The following ABCA12 variants were observed in gnomAD, a reference collection of about 807,000 sequenced individuals.
The protein encoded by ABCA12 is glucosylceramide transporter ABCA12.
Under a neutral mutation model 293.5 loss-of-function variants are expected in ABCA12, and 156 were observed. That is an observed-to-expected ratio of 0.53 (90% CI 0.47 to 0.61). The LOEUF is 0.61. Ranked by LOEUF, ABCA12 falls within the 20% of genes least tolerant of loss-of-function variation. The pLI, the probability that ABCA12 is intolerant of heterozygous loss-of-function variation, is 0.00. For synonymous variants in ABCA12, 1,063 were observed against 1,108.0 expected, an observed-to-expected ratio of 0.96 and a Z score of 0.81; for missense variants, 2,797 against 3,090.2, an observed-to-expected ratio of 0.91 and a Z score of 2.25.
chr2:214,978,729 A>T, intron 32 of ABCA12, 75 bp downstream of exon 32: 1 of 1,506,916 alleles, frequency 6.6e-7, no homozygotes, highest in Non-Finnish European at 9.2e-7. Flanking sequence ...TTTTTTAGAA[A>T]AATGGCACAT....
chr2:215,083,623 T>C (rs1485028973), intron 2 of ABCA12, among the ~76,000 whole-genome samples: 1 of 152,218 alleles, frequency 6.6e-6, no homozygotes, highest in Non-Finnish European at 1.5e-5. Flanking sequence ...TTTCATTGTT[T>C]ATCTAGAGTA....
At chr2:214,986,796 T>C in intron 27 of ABCA12, 68 bp from the exon 28 acceptor site, 1 of 1,407,730 alleles carries the variant, frequency 7.1e-7, no homozygotes, top group East Asian at 2.3e-5. Flanking sequence ...TTAGACTTTA[T>C]CTTTATTAAA....
At chr2:214,984,936 T>C (rs1043106264) in intron 28 of ABCA12, among the ~76,000 whole-genome samples, 2 of 152,202 alleles carry the variant, frequency 1.3e-5, no homozygotes, top group Admixed American at 6.5e-5. Context: ...ATCTTTCAGA[T>C]AGTTAGTAAA....
intron 2 of ABCA12, among the ~76,000 whole-genome samples, chr2:215,086,919 T>TTTATTATTATTATTA (rs139025147): frequency 1.0e-3 from 158 of 151,090 alleles, no homozygotes; most frequent in African/African-American, 3.8e-3. Flanking sequence ...TAACTACCAG[T>TTTATTATTATTATTA]TTATTATTAT....
At position 215,017,959 on chromosome 2, in the gene ABCA12, AT is replaced by A. The variant is rs113589064; in HGVS notation, c.1782+48del. On this transcript the variant is annotated intron_variant, in intron 14 of 52. Coordinates refer to ENST00000272895, the MANE Select transcript of ABCA12 (RefSeq NM_173076.3). ...AAGCGCTCAACAAATGCTAAATGCTATTTAAATTTCTAAGAACTGCATGTAA... is the reference window on the plus strand; with the variant it reads ...AAGCGCTCAACAAATGCTAAATGCTATTAAATTTCTAAGAACTGCATGTAA... 425 of 1,612,900 alleles carry A rather than the reference AT, an allele frequency of 2.6e-4. No individual in the cohort carries two copies. In the African/African-American group the frequency reaches 4.8e-3, roughly 18 times the overall value.
chr2:215,035,036 G>A (rs1021682057), intron 8 of ABCA12, among the ~76,000 whole-genome samples: 9 of 152,140 alleles, frequency 5.9e-5, no homozygotes, highest in African/African-American at 9.7e-5. Context: ...CCTGGGTTAC[G>A]GGGCAGGTAT....
Position 214,956,807 on chromosome 2 carries a change from T to TA in ABCA12, c.6118-30dup, listed in dbSNP as rs774211477. 6.8e-6 allele frequency: 10 copies of TA among 1,475,106 alleles called. No individual in the cohort carries two copies. In the East Asian group the frequency reaches 2.3e-4, roughly 33 times the overall value. The allele number at this position is 1,475,106 out of a possible 1,614,324, so 91.4% of individuals were successfully genotyped here. ...TGGAAATATTCAAAACAATGTTTAA[T>TA]ACGTGACAAGCATTTTTCAAAAAAA... On this transcript the variant is annotated intron_variant, in intron 41 of 52. Coordinates refer to ENST00000272895, the MANE Select transcript of ABCA12 (RefSeq NM_173076.3).
intron 39 of ABCA12, among the ~76,000 whole-genome samples, chr2:214,965,133 T>C (rs979261766): frequency 6.6e-6 from 1 of 152,110 alleles, no homozygotes; most frequent in Non-Finnish European, 1.5e-5. Context: ...GGGAAAAAGA[T>C]TCCCTATTTA....
At chr2:214,966,456 A>G (rs1390627739) in intron 39 of ABCA12, among the ~76,000 whole-genome samples, 1 of 152,216 alleles carries the variant, frequency 6.6e-6, no homozygotes, top group African/African-American at 2.4e-5. Flanking sequence ...ATGTCAAAAA[A>G]GAAAGAAAAG....
intron 1 of ABCA12, among the ~76,000 whole-genome samples, chr2:215,117,146 G>T (rs35127007): frequency 0.36 from 54,703 of 152,062 alleles, 11,993 homozygotes; most frequent in African/African-American, 0.61. Flanking sequence ...CAACATTTCT[G>T]TAAATTTGTT....
chr2:215,038,486 AATTT>A (rs1179985555), intron 7 of ABCA12, among the ~76,000 whole-genome samples: 2 of 152,170 alleles, frequency 1.3e-5, no homozygotes, highest in Non-Finnish European at 2.9e-5. Context: ...AGGCATTTTT[AATTT>A]GTCACCCAGC....
At chr2:215,098,220 G>A (rs770462439) in intron 2 of ABCA12, among the ~76,000 whole-genome samples, 2 of 152,142 alleles carry the variant, frequency 1.3e-5, no homozygotes, top group Non-Finnish European at 2.9e-5. Flanking sequence ...AGGAATTCCA[G>A]CTGATCCACA....
At chr2:215,074,866 C>T (rs1032145524) in intron 2 of ABCA12, among the ~76,000 whole-genome samples, 4 of 151,744 alleles carry the variant, frequency 2.6e-5, no homozygotes, top group Non-Finnish European at 5.9e-5. Flanking sequence ...CACTTGAACC[C>T]GGGAGGTGGG....
chr2:215,036,672 C>T (rs185791542), intron 8 of ABCA12, among the ~76,000 whole-genome samples: 41 of 152,018 alleles, frequency 2.7e-4, no homozygotes, highest in African/African-American at 8.9e-4. Flanking sequence ...AGGCATAGTC[C>T]CTGATTTTTT....
intron 15 of ABCA12, 80 bp downstream of exon 15, chr2:215,015,410 G>T: frequency 7.5e-7 from 1 of 1,329,508 alleles, no homozygotes; most frequent in Non-Finnish European, 1.1e-6. Context: ...ATCCCTCATA[G>T]TATCAGAGAA....
chr2:214,980,446 T>A, intron 31 of ABCA12, 37 bp downstream of exon 31: 1 of 1,611,740 alleles, frequency 6.2e-7, no homozygotes, highest in Non-Finnish European at 8.5e-7. Flanking sequence ...ACTTAATTTA[T>A]GGTGCCATAA....
chr2:215,103,120 T>C (rs1343869449), intron 2 of ABCA12, among the ~76,000 whole-genome samples: 2 of 152,204 alleles, frequency 1.3e-5, no homozygotes, highest in Admixed American at 6.5e-5. Context: ...GTTTCTGATA[T>C]ACTTATTGCT....
chr2:215,106,676 A>C (rs1010429740), intron 2 of ABCA12, among the ~76,000 whole-genome samples: 1 of 152,058 alleles, frequency 6.6e-6, no homozygotes, highest in Admixed American at 6.6e-5. Context: ...ACACATAGCA[A>C]AGTGTTCAAT....
chr2:214,942,329 T>C (rs1232744749), intron 50 of ABCA12, among the ~76,000 whole-genome samples: 2 of 152,200 alleles, frequency 1.3e-5, no homozygotes, highest in Non-Finnish European at 2.9e-5. Context: ...AAAGTCAACT[T>C]GTTATACAGA....
Sources: allele counts gnomAD v4.1 joint callset (sites outside exome capture counted in the v4.1 genomes callset), GRCh38; gene constraint gnomAD v4.1.1; transcripts MANE v1.5; gene names NCBI Gene and HGNC (gene_info 2026-07-23, HGNC 2026-07-21).